HYCC1: variants seen among roughly 807,000 people sequenced by gnomAD.
The protein encoded by HYCC1 is hyccin.
At chr7:23,002,162 A>ATATATATATATACAAT in the HYCC1 span, among the ~76,000 whole-genome samples, 16 of 35,486 alleles carry the variant, frequency 4.5e-4, no homozygotes, top group Admixed American at 7.0e-4. Context: ...ATATATATAT[A>ATATATATATATACAAT]TATATATATA....
chr7:22,947,741 A>AGT, the HYCC1 span, among the ~76,000 whole-genome samples: 104,991 of 151,658 alleles, frequency 0.69, 36,331 homozygotes, highest in South Asian at 0.73. Flanking sequence ...TTAAAATTCT[A>AGT]TTTTTTATGA....
chr7:22,976,237 A>C, the HYCC1 span: 1 of 1,612,642 alleles, frequency 6.2e-7, no homozygotes, highest in Non-Finnish European at 8.5e-7. Flanking sequence ...CAGTGACTGA[A>C]GAGAAACACT....
At chr7:23,011,345 A>G in the HYCC1 span, among the ~76,000 whole-genome samples, 4 of 152,158 alleles carry the variant, frequency 2.6e-5, no homozygotes, top group African/African-American at 9.7e-5. Context: ...ATCTATCTAT[A>G]TCTTCGCCTG....
the HYCC1 span, among the ~76,000 whole-genome samples, chr7:22,975,070 A>G: frequency 1.3e-5 from 2 of 152,220 alleles, no homozygotes; most frequent in Admixed American, 1.3e-4. Flanking sequence ...TAGCAGTATG[A>G]AAATGGACTA....
the HYCC1 span, among the ~76,000 whole-genome samples, chr7:22,968,867 T>A: frequency 6.6e-6 from 1 of 152,140 alleles, no homozygotes; most frequent in South Asian, 2.1e-4. Context: ...GTGCCTGTAA[T>A]CCCAGCTACT....
the HYCC1 span, among the ~76,000 whole-genome samples, chr7:22,901,540 T>C: frequency 6.6e-6 from 1 of 152,094 alleles, no homozygotes; most frequent in Non-Finnish European, 1.5e-5. Flanking sequence ...GGACTAAATG[T>C]TTGTGTTTCC....
At chr7:22,916,744 G>T in the HYCC1 span, among the ~76,000 whole-genome samples, 1 of 152,148 alleles carries the variant, frequency 6.6e-6, no homozygotes, top group Non-Finnish European at 1.5e-5. Context: ...CCACTCACCA[G>T]CAAAGGCAGG....
At chr7:22,983,408 C>T in the HYCC1 span, among the ~76,000 whole-genome samples, 1 of 151,922 alleles carries the variant, frequency 6.6e-6, no homozygotes, top group African/African-American at 2.4e-5. Context: ...CTGGGAAAGG[C>T]ACTAGCCGGG....
the HYCC1 span, among the ~76,000 whole-genome samples, chr7:22,930,301 C>A: frequency 7.1e-6 from 1 of 141,368 alleles, no homozygotes; most frequent in Admixed American, 7.3e-5. Flanking sequence ...ATGTAACAAA[C>A]CTGCACATTG....
At chr7:22,945,763 A>T in the HYCC1 span, 1 of 1,613,836 alleles carries the variant, frequency 6.2e-7, no homozygotes, top group Non-Finnish European at 8.5e-7. Flanking sequence ...ATGACGGGTT[A>T]TGTGGGACTG....
the HYCC1 span, among the ~76,000 whole-genome samples, chr7:22,915,085 T>C: frequency 1.3e-5 from 2 of 152,142 alleles, no homozygotes; most frequent in African/African-American, 4.8e-5. Context: ...CAACAACCCT[T>C]AGACGCTTTA....
chr7:22,944,548 T>C, the HYCC1 span: 1 of 152,212 alleles, frequency 6.6e-6, no homozygotes, highest in African/African-American at 2.4e-5. Context: ...TAAACAACTT[T>C]AGTTAATATA....
chr7:22,983,741 A>AAGAGAGAAAATGTTC, the HYCC1 span: 1 of 544,820 alleles, frequency 1.8e-6, no homozygotes, highest in Non-Finnish European at 3.3e-6. Flanking sequence ...GAGAGAGAAA[A>AAGAGAGAAAATGTTC]AGAGAGAAAA....
At chr7:22,989,935 G>A in the HYCC1 span, among the ~76,000 whole-genome samples, 1 of 152,136 alleles carries the variant, frequency 6.6e-6, no homozygotes, top group African/African-American at 2.4e-5. Context: ...TTACTAAGAT[G>A]ACTTGTTATC....
At chr7:22,971,921 T>C in the HYCC1 span, among the ~76,000 whole-genome samples, 1 of 152,160 alleles carries the variant, frequency 6.6e-6, no homozygotes. Flanking sequence ...TTATTTCAGT[T>C]GGGTTGTGAA....
chr7:22,926,570 T>C, the HYCC1 span, among the ~76,000 whole-genome samples: 1 of 151,664 alleles, frequency 6.6e-6, no homozygotes, highest in Non-Finnish European at 1.5e-5. Context: ...CCAACAAAGA[T>C]CAAAAGAAAC....
the HYCC1 span, among the ~76,000 whole-genome samples, chr7:22,998,675 C>T: frequency 5.3e-5 from 8 of 152,062 alleles, no homozygotes; most frequent in Non-Finnish European, 8.8e-5. Flanking sequence ...TCCACAGCAA[C>T]GCCCTGAGTC....
chr7:22,998,029 T>A, the HYCC1 span, among the ~76,000 whole-genome samples: 1 of 152,200 alleles, frequency 6.6e-6, no homozygotes, highest in Non-Finnish European at 1.5e-5. Context: ...CCCATTTCTA[T>A]CTTCCTGTTC....
At chr7:22,946,552 A>AT in the HYCC1 span, among the ~76,000 whole-genome samples, 1 of 152,086 alleles carries the variant, frequency 6.6e-6, no homozygotes, top group African/African-American at 2.4e-5. Flanking sequence ...CTTTTAAAAA[A>AT]TTGGTATTAG....
Sources: allele counts gnomAD v4.1 joint callset (sites outside exome capture counted in the v4.1 genomes callset), GRCh38; gene constraint gnomAD v4.1.1; transcripts MANE v1.5; gene names NCBI Gene and HGNC (gene_info 2026-07-23, HGNC 2026-07-21).